The following TENM3 variants were observed in gnomAD, a reference collection of about 807,000 sequenced individuals.
TENM3 encodes the protein teneurin transmembrane protein 3.
TENM3 carries 63 observed loss-of-function variants against 255.1 expected under a neutral mutation model. The ratio of observed to expected loss-of-function variants is 0.25; its 90% CI spans 0.20 to 0.30. The LOEUF is 0.30. Ranked by LOEUF, TENM3 falls within the 10% of genes least tolerant of loss-of-function variation. The pLI is 1.00. For missense variants in TENM3, 2,929 were observed against 3,461.1 expected (o/e 0.85, Z 3.86); for synonymous variants, 1,306 against 1,322.3 (o/e 0.99, Z 0.27).
chr4:182,019,472 T>C, the TENM3 span, among the ~76,000 whole-genome samples: 1 of 152,162 alleles, frequency 6.6e-6, no homozygotes, highest in African/African-American at 2.4e-5. Flanking sequence ...TTAATGCCAA[T>C]CCCCTCAATT....
chr4:182,188,142 A>C lies in TENM3; in HGVS notation c.-76+43388A>C, dbSNP rs1471948852. On this transcript the variant is annotated intron_variant, in intron 1 of 2. Coordinates refer to the TENM3 transcript ENST00000512480. ...AAATATATATATGTTATATATTAGC[A>C]TTATATATATTTCATTCCGCCTCAC... is the stretch of plus-strand genomic sequence containing the variant. Among the ~76,000 whole-genome samples the C allele has an allele frequency of 6.6e-5, 10 of 152,276 alleles. No homozygotes were observed. In the East Asian group the frequency reaches 1.9e-3, roughly 29 times the overall value.
Position 182,754,302 on chromosome 4 carries a change from C to T in TENM3, c.4018-83C>T. ...GTTTATCTCAGATTAATGCCAATTT[C>T]CCTGAATGGTCTAATTTACTCTTCT... On this transcript the variant is annotated intron_variant, in intron 21 of 27. Coordinates refer to ENST00000511685, the MANE Select transcript of TENM3 (RefSeq NM_001080477.4). This position sits in a 1 kb window ranked among gnomAD's most constrained non-coding sequence, Gnocchi z 5.1. 1 of 1,380,194 alleles carries T rather than the reference C, an allele frequency of 7.2e-7. No individual in the cohort carries two copies. Among genetic ancestry groups the T allele is most frequent in the Non-Finnish European group, 9.7e-7 (1 of 1,034,094 alleles). The allele number at this position is 1,380,194 out of a possible 1,614,324, so 85.5% of individuals were successfully genotyped here.
chr4:182,007,074 T>G, the TENM3 span, among the ~76,000 whole-genome samples: 1 of 152,204 alleles, frequency 6.6e-6, no homozygotes. Flanking sequence ...CTAATTTGAT[T>G]GCACTGTGGT....
At chr4:182,677,415 G>A (rs17073820) in intron 7 of TENM3, among the ~76,000 whole-genome samples, 3,010 of 152,264 alleles carry the variant, frequency 0.02, 51 homozygotes, top group East Asian at 0.052. Flanking sequence ...TTCAGTTACC[G>A]TGTTTAATGT....
intron 2 of TENM3, among the ~76,000 whole-genome samples, chr4:182,328,099 A>G (rs1293401534): frequency 3.9e-5 from 6 of 152,246 alleles, no homozygotes; most frequent in Non-Finnish European, 7.3e-5. Flanking sequence ...CCCAAAGTAT[A>G]TAAGAGTTAG....
chr4:182,779,292 G>C (rs1764973544), intron 24 of TENM3, among the ~76,000 whole-genome samples: 1 of 151,612 alleles, frequency 6.6e-6, no homozygotes, highest in Non-Finnish European at 1.5e-5. Flanking sequence ...CCACCTATGA[G>C]TGAGAATATA....
chr4:182,045,016 A>G, the TENM3 span, among the ~76,000 whole-genome samples: 1 of 152,264 alleles, frequency 6.6e-6, no homozygotes, highest in Admixed American at 6.5e-5. Context: ...GTTGTCTTGT[A>G]GAACAAAAAT....
chr4:181,957,732 T>A, the TENM3 span, among the ~76,000 whole-genome samples: 1 of 152,138 alleles, frequency 6.6e-6, no homozygotes, highest in East Asian at 1.9e-4. Context: ...ACAGTAAAAA[T>A]TGATCTTTGG....
chr4:181,997,345 G>T, the TENM3 span, among the ~76,000 whole-genome samples: 1 of 152,116 alleles, frequency 6.6e-6, no homozygotes, highest in African/African-American at 2.4e-5. Flanking sequence ...CAACGGAGAA[G>T]AAAAACATGG....
At chr4:182,546,391 C>T (rs949028010) in intron 3 of TENM3, among the ~76,000 whole-genome samples, 1 of 152,122 alleles carries the variant, frequency 6.6e-6, no homozygotes, top group Admixed American at 6.6e-5. Flanking sequence ...AAGTGCTCTA[C>T]AAATATTTGT....
the TENM3 span, among the ~76,000 whole-genome samples, chr4:181,543,592 C>T: frequency 6.6e-6 from 1 of 152,200 alleles, no homozygotes; most frequent in Non-Finnish European, 1.5e-5. Context: ...CCACAACCTG[C>T]CTTTTCCCAG....
chr4:181,964,314 G>T, the TENM3 span, among the ~76,000 whole-genome samples: 1 of 152,056 alleles, frequency 6.6e-6, no homozygotes, highest in Middle Eastern at 3.4e-3. Flanking sequence ...AAAGATGAGG[G>T]GTAATTTTAC....
At chr4:181,689,384 C>T in the TENM3 span, among the ~76,000 whole-genome samples, 2 of 152,160 alleles carry the variant, frequency 1.3e-5, no homozygotes, top group Non-Finnish European at 2.9e-5. Flanking sequence ...AACTGGAAAT[C>T]CATCCAACTC....
At chr4:181,729,657 A>C in the TENM3 span, among the ~76,000 whole-genome samples, 1 of 152,202 alleles carries the variant, frequency 6.6e-6, no homozygotes, top group African/African-American at 2.4e-5. Flanking sequence ...GTGACAGAGC[A>C]GCTGGTCTAG....
At chr4:182,293,163 A>G (rs1201610408) in intron 1 of TENM3, among the ~76,000 whole-genome samples, 3 of 152,218 alleles carry the variant, frequency 2.0e-5, no homozygotes, top group Non-Finnish European at 4.4e-5. Flanking sequence ...TTAAAAGTTA[A>G]GTAATTCTTC....
At chr4:181,540,800 C>A in the TENM3 span, among the ~76,000 whole-genome samples, 1 of 151,736 alleles carries the variant, frequency 6.6e-6, no homozygotes, top group Admixed American at 6.5e-5. Context: ...TGCCTAAATG[C>A]AATGTGGTAC....
chr4:181,797,621 GA>G, the TENM3 span, among the ~76,000 whole-genome samples: 2 of 152,202 alleles, frequency 1.3e-5, no homozygotes, highest in African/African-American at 4.8e-5. Flanking sequence ...AAAACTGGCA[GA>G]AGGACTTGAG....
the TENM3 span, among the ~76,000 whole-genome samples, chr4:181,630,039 T>G: frequency 6.6e-6 from 1 of 152,334 alleles, no homozygotes; most frequent in East Asian, 1.9e-4. Flanking sequence ...TATTCAGAGA[T>G]TCAACTTCTT....
the TENM3 span, among the ~76,000 whole-genome samples, chr4:181,915,435 C>A: frequency 6.6e-6 from 1 of 151,774 alleles, no homozygotes; most frequent in Non-Finnish European, 1.5e-5. Context: ...CAGACATAGT[C>A]CTTAAGGAAA....
Sources: allele counts gnomAD v4.1 joint callset (sites outside exome capture counted in the v4.1 genomes callset), GRCh38; gene constraint gnomAD v4.1.1; non-coding constraint Gnocchi (gnomAD v3.1); transcripts MANE v1.5; gene names NCBI Gene and HGNC (gene_info 2026-07-23, HGNC 2026-07-21).